Variants in PPP6R2 observed in about 807,000 individuals in gnomAD.
The protein encoded by PPP6R2 is serine/threonine-protein phosphatase 6 regulatory subunit 2.
PPP6R2 carries 62 observed loss-of-function variants against 100.2 expected under a neutral mutation model. The ratio of observed to expected loss-of-function variants is 0.62; its 90% CI spans 0.50 to 0.76. The LOEUF (loss-of-function observed/expected upper bound fraction) is 0.76. Ranked by LOEUF, PPP6R2 falls within the 30% of genes least tolerant of loss-of-function variation. PPP6R2 has a pLI of 0.00. For missense variants in PPP6R2, 1,142 were observed against 1,276.3 expected, an observed-to-expected ratio of 0.89 and a Z score of 1.60; for synonymous variants, 525 against 514.7, an observed-to-expected ratio of 1.02 and a Z score of -0.27.
rs374969076 is a variant in PPP6R2, at chr22:50,393,858, G to A, written c.-16-35G>A. On this transcript the variant is annotated intron_variant, in intron 2 of 23. Transcript: ENST00000612753. Reference sequence around the variant, plus strand: ...GTGTTGCTGAAGGTGGATTTGCAAGGGTGAGAGACGTGACCCCTTTGCCCT... The same window carrying A: ...GTGTTGCTGAAGGTGGATTTGCAAGAGTGAGAGACGTGACCCCTTTGCCCT... The A allele has an allele frequency of 3.7e-6, 6 of 1,611,244 alleles. No homozygotes were observed. In the African/African-American group the frequency reaches 6.7e-5, roughly 18 times the overall value.
chr22:50,399,018 C>T (rs955721540), intron 3 of PPP6R2, among the ~76,000 whole-genome samples: 2 of 151,932 alleles, frequency 1.3e-5, no homozygotes, highest in Non-Finnish European at 1.5e-5. Context: ...GAGGCTGAGG[C>T]GGGCGGATCA....
At chr22:50,380,232 T>C (rs1357735320) in intron 2 of PPP6R2, among the ~76,000 whole-genome samples, 2 of 135,670 alleles carry the variant, frequency 1.5e-5, no homozygotes, top group Non-Finnish European at 3.2e-5. Context: ...AGTCTTTTTC[T>C]TTTTTTTTTT....
In PPP6R2 at chr22:50,438,070, G is replaced by A. The variant is rs1465415096; in HGVS notation, c.1840-104G>A. 27 of 1,520,626 alleles carry A rather than the reference G, an allele frequency of 1.8e-5. No individual in the cohort carries two copies. In the East Asian group the frequency reaches 5.9e-4, roughly 33 times the overall value. The allele number at this position is 1,520,626 out of a possible 1,614,324, so 94.2% of individuals were successfully genotyped here. A position where few individuals can be genotyped will look rare whatever the true frequency, so the allele number is the denominator to read the frequency against. On this transcript the variant is annotated intron_variant, in intron 17 of 23. Coordinates refer to ENST00000612753, the MANE Select transcript of PPP6R2 (RefSeq NM_001242898.2). ...CTCCCCGTCCTCCCCTCCAGCCCGG[G>A]GCTCCCACATCCCGAACTAAGCCCC...
At chr22:50,353,961 C>T (rs1342978096) in intron 1 of PPP6R2, among the ~76,000 whole-genome samples, 1 of 151,918 alleles carries the variant, frequency 6.6e-6, no homozygotes, top group African/African-American at 2.4e-5. Context: ...GATTATGTAT[C>T]AGGCATTTGT....
In PPP6R2 at chr22:50,427,880, G is replaced by A. The variant is rs889719592; in HGVS notation, c.1126-3293G>A. On this transcript the variant is annotated intron_variant, in intron 10 of 23. Coordinates refer to ENST00000612753, the MANE Select transcript of PPP6R2 (RefSeq NM_001242898.2). The stretch of plus-strand genomic sequence containing the variant: ...GGACTACAGGTGCCTGCTACCTCGC[G>A]TGGCTAATTTTTTGTATTTTTAGTA... Among the ~76,000 whole-genome samples, 11 of 152,126 alleles carry A rather than the reference G, an allele frequency of 7.2e-5. 1 individual carries two copies. Among genetic ancestry groups the A allele is most frequent in the Non-Finnish European group, 1.5e-4 (10 of 68,014 alleles).
chr22:50,367,518 A>C (rs767052500), intron 1 of PPP6R2, among the ~76,000 whole-genome samples: 2 of 151,944 alleles, frequency 1.3e-5, no homozygotes, highest in Non-Finnish European at 2.9e-5. Flanking sequence ...CCTGTTAAGG[A>C]GTGGGCCTGG....
chr22:50,377,525 C>T (rs2051872395), intron 2 of PPP6R2, among the ~76,000 whole-genome samples: 1 of 152,006 alleles, frequency 6.6e-6, no homozygotes, highest in African/African-American at 2.4e-5. Flanking sequence ...AACCAGAAAA[C>T]AGGTCAGAAG....
chr22:50,410,838 G>A (rs1236067288), intron 4 of PPP6R2, among the ~76,000 whole-genome samples: 2 of 152,034 alleles, frequency 1.3e-5, no homozygotes, highest in Non-Finnish European at 2.9e-5. Context: ...TGTCTCCCAG[G>A]CTGGAGTGCA....
At chr22:50,341,121 A>C (rs1444920233), upstream of PPP6R2, among the ~76,000 whole-genome samples, 1 of 151,994 alleles carries the variant, frequency 6.6e-6, no homozygotes, top group East Asian at 1.9e-4. Flanking sequence ...CATGTTGGCC[A>C]GGCTGGTCTC....
intron 18 of PPP6R2, 81 bp downstream of exon 18, chr22:50,438,379 G>A (rs2064854546): frequency 7.7e-6 from 12 of 1,549,924 alleles, no homozygotes; most frequent in South Asian, 6.3e-5. Context: ...CCTGTGGTTC[G>A]TTAGCTGGCT....
intron 1 of PPP6R2, among the ~76,000 whole-genome samples, chr22:50,369,526 CTTTTA>C (rs760729609): frequency 5.3e-5 from 8 of 151,900 alleles, no homozygotes; most frequent in Non-Finnish European, 8.8e-5. Context: ...TCACTGCAGC[CTTTTA>C]TTTTATTTTA....
chr22:50,440,684 G>A (rs2065375204), intron 21 of PPP6R2, 138 bp from the exon 22 acceptor site: 7 of 977,012 alleles, frequency 7.2e-6, no homozygotes, highest in Admixed American at 2.1e-5. Context: ...CTCATCATGC[G>A]GCTCCCACAC....
At chr22:50,438,091 G>A (rs1569493613) in intron 17 of PPP6R2, 83 bp from the exon 18 acceptor site, 17 of 1,541,190 alleles carry the variant, frequency 1.1e-5, no homozygotes, top group Non-Finnish European at 1.5e-5. Flanking sequence ...CCCGAACTAA[G>A]CCCCTCTGGG....
chr22:50,366,311 CTTT>C (rs556380235), intron 1 of PPP6R2, among the ~76,000 whole-genome samples: 5 of 137,564 alleles, frequency 3.6e-5, no homozygotes, highest in Non-Finnish European at 4.8e-5. Context: ...TCCCTCTCAT[CTTT>C]TTTTTTTTTT....
chr22:50,385,538 G>A (rs1250067573), intron 2 of PPP6R2, among the ~76,000 whole-genome samples: 2 of 138,646 alleles, frequency 1.4e-5, no homozygotes, highest in Admixed American at 7.6e-5. Flanking sequence ...TTTTTGAGAC[G>A]AAGTCTTGCT....
At chr22:50,416,982 T>C (rs9616843) in intron 6 of PPP6R2, among the ~76,000 whole-genome samples, 49,931 of 151,348 alleles carry the variant, frequency 0.33, 8,794 homozygotes, top group East Asian at 0.67. Flanking sequence ...AGAACAATTC[T>C]AATAGAATTG....
chr22:50,335,912 G>A, the PPP6R2 span, among the ~76,000 whole-genome samples: 4 of 145,510 alleles, frequency 2.7e-5, no homozygotes, highest in East Asian at 2.0e-4. Flanking sequence ...TCCTGACCTC[G>A]TGATCCGCCT....
At chr22:50,382,407 A>G (rs113753820) in intron 2 of PPP6R2, among the ~76,000 whole-genome samples, 28 of 151,528 alleles carry the variant, frequency 1.8e-4, no homozygotes, top group East Asian at 3.9e-4. Context: ...GACCAGCCTG[A>G]CTAACATGGT....
At chr22:50,424,179 T>C (rs1012613145) in intron 10 of PPP6R2, among the ~76,000 whole-genome samples, 2 of 152,120 alleles carry the variant, frequency 1.3e-5, no homozygotes, top group Non-Finnish European at 2.9e-5. Context: ...ATGAGGCTGC[T>C]CCCCTGAGAA....
Sources: gnomAD v4.1 joint callset for allele counts (sites outside exome capture counted in the v4.1 genomes callset) on GRCh38, gnomAD v4.1.1 for gene constraint, MANE v1.5 for transcripts, NCBI Gene and HGNC (gene_info 2026-07-23, HGNC 2026-07-21) for gene names.